MAGT1: variants seen among roughly 807,000 people sequenced by gnomAD.
The protein encoded by MAGT1 is magnesium transporter 1, also known as dolichyl-diphosphooligosaccharide--protein glycosyltransferase subunit MAGT1.
MAGT1 carries 4 observed loss-of-function variants against 28.4 expected under a neutral mutation model. The observed-to-expected ratio is 0.14, with a 90% CI of 0.07 to 0.32. The LOEUF is 0.32. Ranked by LOEUF, MAGT1 falls within the 10% of genes least tolerant of loss-of-function variation. MAGT1 has a pLI of 1.00. For missense variants in MAGT1, 193 were observed against 264.5 expected (o/e 0.73, Z 1.88); for synonymous variants, 89 against 89.7 (o/e 0.99, Z 0.04).
In MAGT1 at chrX:77,842,408, A is replaced by G. The variant is rs943174269; in HGVS notation, c.827-1088T>C. Among the ~76,000 whole-genome samples the G allele has an allele frequency of 3.6e-5, 4 of 111,405 alleles. No homozygotes were observed. In the Admixed American group the frequency reaches 3.9e-4, roughly 11 times the overall value. ...GACTGTGTCAAAAAAAAAATTCTCC[A>G]TATTTTCAATAATACTTTATTTTTT... On this transcript the variant is annotated intron_variant, in intron 7 of 9. Coordinates refer to ENST00000618282, the MANE Select transcript of MAGT1 (RefSeq NM_001367916.1).
chrX:77,838,270 T>C, intron 8 of MAGT1, among the ~76,000 whole-genome samples: 1 of 107,709 alleles, frequency 9.3e-6, no homozygotes, highest in Non-Finnish European at 1.9e-5. Flanking sequence ...ACCTCGGCAA[T>C]AAAGTGAGAC....
In MAGT1 at chrX:77,856,858, G is replaced by C; in HGVS notation, c.547C>G (p.Pro183Ala). ...RTDVNIRVIR[P>A]PNYAGPLMLG... ...ATAAGGGGACCAGCATAATTTGGGGGTCTAATCACTCTAATCTAATGGAAA... is the reference window on the plus strand; with the variant it reads ...ATAAGGGGACCAGCATAATTTGGGGCTCTAATCACTCTAATCTAATGGAAA... The change falls in exon 5 of 10, where the codon CCC (proline) becomes GCC (alanine). Residue 183 changes from proline (P) to alanine (A), a missense_variant. Pro to Ala is a conservative substitution (Grantham distance 27). Transcript: ENST00000618282. 8.3e-7 allele frequency: 1 copy of C among 1,207,241 alleles called. No homozygotes were observed. The highest frequency in any genetic ancestry group is 1.8e-5 in the South Asian group (1 of 56,536).
intron 1 of MAGT1, among the ~76,000 whole-genome samples, chrX:77,881,571 A>G (rs1231362013): frequency 1.0e-4 from 11 of 109,811 alleles, no homozygotes; most frequent in African/African-American, 3.6e-4. Context: ...AGCTTCATCC[A>G]TGTCCCTACA....
chrX:77,826,754 G>A lies in MAGT1; in HGVS notation c.*2466C>T, dbSNP rs1557212954. The A allele has an allele frequency of 8.9e-6, 1 of 112,079 alleles. No individual in the cohort carries two copies. Among genetic ancestry groups the A allele is most frequent in the Admixed American group, 9.6e-5 (1 of 10,439 alleles). 9.2% of individuals were successfully genotyped at this position (112,079 alleles called of 1,213,427 possible). ...GCAGTAGTATTCCCGTGGTCAATCTGTACAAATCAGGGCATCTTCATACAA... is the reference window on the plus strand; with the variant it reads ...GCAGTAGTATTCCCGTGGTCAATCTATACAAATCAGGGCATCTTCATACAA... On this transcript the variant is annotated 3_prime_UTR_variant, in exon 10 of 10. Transcript: ENST00000618282.
Position 77,875,459 on chromosome X carries a change from G to A in MAGT1, c.241C>T (p.Leu81Phe). The A allele has an allele frequency of 8.3e-7, 1 of 1,210,196 alleles. No homozygotes were observed. The highest frequency in any genetic ancestry group is 1.1e-6 in the Non-Finnish European group (1 of 894,992). The change falls in exon 2 of 10, where the codon CTC (leucine) becomes TTC (phenylalanine). Residue 81 changes from leucine to phenylalanine, a missense_variant. By Grantham distance (22) the Leu-to-Phe change is conservative (BLOSUM62 0). Coordinates refer to ENST00000618282, the MANE Select transcript of MAGT1 (RefSeq NM_001367916.1). Reference protein sequence around the residue: ...NYSVIVMFTALQLHRQCVVCK... With the variant: ...NYSVIVMFTAFQLHRQCVVCK... ...ACGACACACTGTCTATGCAGTTGGA[G>A]AGCAGTGAACATGACGATAACGGAG...
At chrX:77,863,708 A>G (rs1489400912) in intron 3 of MAGT1, among the ~76,000 whole-genome samples, 2 of 111,829 alleles carry the variant, frequency 1.8e-5, no homozygotes, top group African/African-American at 6.5e-5. Flanking sequence ...CCATCAACAG[A>G]CGAACAGATC....
chrX:77,847,874 A>T (rs2076956707), intron 7 of MAGT1, among the ~76,000 whole-genome samples: 4 of 110,969 alleles, frequency 3.6e-5, no homozygotes, highest in Non-Finnish European at 7.6e-5. Flanking sequence ...AGCCTCTCAA[A>T]GTGCTGGGGT....
chrX:77,874,036 G>GT (rs1198398068), intron 2 of MAGT1, among the ~76,000 whole-genome samples: 1 of 109,079 alleles, frequency 9.2e-6, no homozygotes, highest in Non-Finnish European at 1.9e-5. Context: ...TCAGGCTGGA[G>GT]TGCAGTGGGA....
intron 3 of MAGT1, among the ~76,000 whole-genome samples, chrX:77,861,747 C>T (rs1312849205): frequency 4.5e-5 from 5 of 112,013 alleles, no homozygotes; most frequent in South Asian, 3.6e-4. Flanking sequence ...CTGACACATG[C>T]TATAACATGG....
chrX:77,880,755 C>A (rs1158876314), intron 1 of MAGT1, among the ~76,000 whole-genome samples: 1 of 108,948 alleles, frequency 9.2e-6, no homozygotes, highest in Admixed American at 1.0e-4. Flanking sequence ...GTCAGGACTT[C>A]GAGACCAGCC....
chrX:77,858,480 C>T (rs1370864180), intron 3 of MAGT1, among the ~76,000 whole-genome samples: 8 of 111,632 alleles, frequency 7.2e-5, no homozygotes, highest in Non-Finnish European at 1.3e-4. Context: ...CGTGAGCCAC[C>T]GTGCCTGGCC....
In MAGT1 at chrX:77,827,076, G is replaced by A. The variant is rs935571368; in HGVS notation, c.*2144C>T. ...ATAGTATCTTTTTAATGTAATACTT[G>A]TAAGATTTCCTTAAAATTATTTTTT... is the stretch of plus-strand genomic sequence containing the variant. On this transcript the variant is annotated 3_prime_UTR_variant, in exon 10 of 10. Coordinates refer to ENST00000618282, the MANE Select transcript of MAGT1 (RefSeq NM_001367916.1). The A allele has an allele frequency of 1.8e-5, 2 of 111,963 alleles. No homozygotes were observed. The highest frequency in any genetic ancestry group is 1.9e-4 in the Admixed American group (2 of 10,467). 9.2% of individuals were successfully genotyped at this position (111,963 alleles called of 1,213,427 possible).
intron 8 of MAGT1, among the ~76,000 whole-genome samples, chrX:77,834,214 G>GTGTATATATATGCATATA (rs1380394409): frequency 4.2e-5 from 4 of 95,442 alleles, no homozygotes; most frequent in African/African-American, 7.4e-5. Context: ...ATATACATGT[G>GTGTATATATATGCATATA]TGTATATATA....
intron 1 of MAGT1, among the ~76,000 whole-genome samples, chrX:77,886,552 A>G (rs1189020453): frequency 9.0e-6 from 1 of 111,035 alleles, no homozygotes; most frequent in African/African-American, 3.3e-5. Context: ...CTGAGGTAGA[A>G]GGATCATTTG....
chrX:77,842,771 G>A (rs1557214521), intron 7 of MAGT1, among the ~76,000 whole-genome samples: 1 of 110,465 alleles, frequency 9.1e-6, no homozygotes, highest in East Asian at 2.8e-4. Flanking sequence ...AGGTTGCAGT[G>A]AGCCGAGATG....
intron 3 of MAGT1, chrX:77,868,683 G>A: frequency 9.9e-6 from 3 of 303,571 alleles, no homozygotes; most frequent in Non-Finnish European, 1.3e-5. Flanking sequence ...AACCAGGCGT[G>A]GTGGCAAGTG....
chrX:77,869,460 C>T (rs1557217140), intron 3 of MAGT1, among the ~76,000 whole-genome samples: 1 of 111,945 alleles, frequency 8.9e-6, no homozygotes, highest in Non-Finnish European at 1.9e-5. Context: ...GCAGAGTAAA[C>T]CAACAACCCA....
intron 8 of MAGT1, among the ~76,000 whole-genome samples, chrX:77,839,351 T>G (rs1479806139): frequency 9.4e-6 from 1 of 105,887 alleles, no homozygotes; most frequent in African/African-American, 3.4e-5. Flanking sequence ...TTCTTTTTTT[T>G]TTTTTCTTTA....
At chrX:77,856,513 T>G (rs2076981896) in intron 5 of MAGT1, 8 of 365,999 alleles carry the variant, frequency 2.2e-5, no homozygotes, top group Non-Finnish European at 3.8e-5. Context: ...TCATTTAGGT[T>G]GAATAAAAGG....
Sources: gnomAD v4.1 joint callset for allele counts (sites outside exome capture counted in the v4.1 genomes callset) on GRCh38, gnomAD v4.1.1 for gene constraint, MANE v1.5 for transcripts, NCBI Gene and HGNC (gene_info 2026-07-23, HGNC 2026-07-21) for gene names.